The following CBLC variants were observed in gnomAD, a reference collection of about 807,000 sequenced individuals.
The protein encoded by CBLC is Cbl proto-oncogene C.
A neutral mutation model predicts 58.6 loss-of-function variants in CBLC; 46 were observed. The ratio of observed to expected loss-of-function variants is 0.79; its 90% confidence interval spans 0.62 to 1.00. CBLC has a LOEUF of 1.00. CBLC is among the 50% of genes least tolerant of loss of function. The pLI, the probability that CBLC is intolerant of heterozygous loss-of-function variation, is 0.00. For missense variants in CBLC, 655 were observed against 625.8 expected (o/e 1.05, Z -0.50); for synonymous variants, 271 against 264.2 (o/e 1.03, Z -0.25).
chr19:44,798,040 G>A (rs553308565), intron 9 of CBLC, among the ~76,000 whole-genome samples: 4 of 152,178 alleles, frequency 2.6e-5, no homozygotes, highest in Admixed American at 1.3e-4. Context: ...CTGTCTGCAC[G>A]CTGCTGTTCT....
At chr19:44,794,452 A>G (rs1050271516) in intron 9 of CBLC, among the ~76,000 whole-genome samples, 171 bp downstream of exon 9, 33 of 133,692 alleles carry the variant, frequency 2.5e-4, no homozygotes, top group African/African-American at 9.4e-4. Context: ...CCCCTCTGGG[A>G]CTTTCTTTTT....
At chr19:44,796,940 A>C (rs748159005) in intron 9 of CBLC, among the ~76,000 whole-genome samples, 2 of 152,100 alleles carry the variant, frequency 1.3e-5, no homozygotes, top group African/African-American at 4.8e-5. Flanking sequence ...GAAACCAGCC[A>C]GGGAAGCTAA....
At chr19:44,780,129 T>G (rs940211942) in intron 1 of CBLC, among the ~76,000 whole-genome samples, 1 of 151,852 alleles carries the variant, frequency 6.6e-6, no homozygotes, top group Non-Finnish European at 1.5e-5. Flanking sequence ...TTCTGCAAAA[T>G]TCAGCGTAAT....
intron 5 of CBLC, among the ~76,000 whole-genome samples, chr19:44,786,253 A>G (rs1435561364): frequency 4.0e-5 from 6 of 151,878 alleles, no homozygotes; most frequent in Admixed American, 6.6e-5. Flanking sequence ...ATTTTTGTCA[A>G]CCAGTCACAA....
chr19:44,798,641 G>A (rs930077183), intron 9 of CBLC, among the ~76,000 whole-genome samples: 4 of 152,054 alleles, frequency 2.6e-5, no homozygotes, highest in South Asian at 2.1e-4. Flanking sequence ...CTTGATTCTC[G>A]CTTGATTATC....
chr19:44,792,302 G>A (rs1968072430), intron 6 of CBLC, 81 bp from the exon 7 acceptor site: 2 of 1,539,426 alleles, frequency 1.3e-6, no homozygotes, highest in Admixed American at 3.4e-5. Flanking sequence ...CGAGGTTTGG[G>A]ATTTTCTTCC....
At chr19:44,787,588 G>A (rs1183574951) in intron 5 of CBLC, among the ~76,000 whole-genome samples, 3 of 150,746 alleles carry the variant, frequency 2.0e-5, no homozygotes, top group African/African-American at 4.9e-5. Context: ...AGGCCGAGGC[G>A]GGCAGATCAC....
At chr19:44,784,646 T>C (rs937241938) in intron 5 of CBLC, among the ~76,000 whole-genome samples, 1 of 152,182 alleles carries the variant, frequency 6.6e-6, no homozygotes, top group Non-Finnish European at 1.5e-5. Context: ...GAGAAGTGTG[T>C]GGGGCATTGG....
chr19:44,789,890 A>G (rs1968000862), intron 5 of CBLC, 114 bp from the exon 6 acceptor site: 2 of 745,476 alleles, frequency 2.7e-6, no homozygotes, highest in East Asian at 2.5e-5. Context: ...TGGATTTGGG[A>G]CAGATCCTCA....
At chr19:44,790,164 C>A in intron 6 of CBLC, 73 bp downstream of exon 6, 2 of 1,164,112 alleles carry the variant, frequency 1.7e-6, no homozygotes, top group Non-Finnish European at 2.6e-6. Flanking sequence ...GGCTCAGAGG[C>A]CTGGGGTTGG....
At chr19:44,785,520 A>C (rs903357564) in intron 5 of CBLC, among the ~76,000 whole-genome samples, 7 of 139,982 alleles carry the variant, frequency 5.0e-5, no homozygotes, top group East Asian at 4.1e-4. Context: ...AGCTAGCTAG[A>C]TAGTCAGATA....
rs1175070815 is a variant in CBLC at position 44,781,056 on chromosome 19, G to A, written c.500+5G>A. The A allele has an allele frequency of 6.2e-7, 1 of 1,610,344 alleles. No homozygotes were observed. Among genetic ancestry groups the A allele is most frequent in the Non-Finnish European group, 8.5e-7 (1 of 1,178,848 alleles). On this transcript the variant is annotated splice_donor_5th_base_variant and intron_variant, in intron 2 of 10. Coordinates refer to ENST00000647358, the MANE Select transcript of CBLC (RefSeq NM_012116.4). ...GAGGGAAAGTTGCGGAGCCCGGTGA[G>A]TAAGCCCTTGTCCTCAGCTCCCGGA... is the stretch of plus-strand genomic sequence containing the variant.
At chr19:44,784,491 T>G in intron 5 of CBLC, 90 bp downstream of exon 5, 1 of 1,328,218 alleles carries the variant, frequency 7.5e-7, no homozygotes, top group East Asian at 2.4e-5. Context: ...CCACCACGTT[T>G]GAGGGTGCAA....
chr19:44,779,553 C>CTTTTTTTTTTTTT (rs774514447), intron 1 of CBLC, among the ~76,000 whole-genome samples: 2 of 137,320 alleles, frequency 1.5e-5, no homozygotes, highest in African/African-American at 5.7e-5. Flanking sequence ...TGTAGTGTCT[C>CTTTTTTTTTTTTT]TTTTTTTTTT....
At chr19:44,788,373 G>T (rs1009894228) in intron 5 of CBLC, among the ~76,000 whole-genome samples, 9 of 151,056 alleles carry the variant, frequency 6.0e-5, no homozygotes, top group Non-Finnish European at 7.4e-5. Flanking sequence ...CAATCCTCCC[G>T]CCTCAGCCTC....
chr19:44,785,018 CTG>C (rs1173328269), intron 5 of CBLC, among the ~76,000 whole-genome samples: 1 of 117,188 alleles, frequency 8.5e-6, no homozygotes, highest in Non-Finnish European at 1.6e-5. Flanking sequence ...GTCGCCCTGA[CTG>C]GAGTGCAATG....
Position 44,800,568 on chromosome 19 carries a change from C to T in CBLC, c.*25C>T. On this transcript the variant is annotated 3_prime_UTR_variant, in exon 11 of 11. Transcript: ENST00000647358. The stretch of plus-strand genomic sequence containing the variant: ...GCCTACAGGGCACCCAGATGTGCTG[C>T]TCAAGGGAGCCCCAAGGGCTGGAAG... 3 of 625,724 alleles carry T rather than the reference C, an allele frequency of 4.8e-6. No homozygotes were observed. Among genetic ancestry groups the T allele is most frequent in the Non-Finnish European group, 8.5e-6 (3 of 354,370 alleles). The allele number at this position is 625,724 out of a possible 1,614,324, so 38.8% of individuals were successfully genotyped here.
chr19:44,782,538 T>A lies in CBLC; in HGVS notation c.779+47T>A, dbSNP rs1335134758. The A allele has an allele frequency of 2.0e-6, 3 of 1,496,272 alleles. No homozygotes were observed. The Admixed American group carries it at 5.1e-5, about 26-fold the overall frequency. The allele number at this position is 1,496,272 out of a possible 1,614,324, so 92.7% of individuals were successfully genotyped here. ...AGAACAAGGCTGCAGGGCTCAGGGA[T>A]CTGGGCTCTGGGCTGGTGCGTGGTG... On this transcript the variant is annotated intron_variant, in intron 4 of 10. Coordinates refer to ENST00000647358, the MANE Select transcript of CBLC (RefSeq NM_012116.4).
At chr19:44,782,553 G>A (rs1825529672) in intron 4 of CBLC, 62 bp downstream of exon 4, 1 of 1,369,088 alleles carries the variant, frequency 7.3e-7, no homozygotes. Flanking sequence ...GCTCTGGGCT[G>A]GTGCGTGGTG....
Sources: allele counts gnomAD v4.1 joint callset (sites outside exome capture counted in the v4.1 genomes callset), GRCh38; gene constraint gnomAD v4.1.1; transcripts MANE v1.5; gene names NCBI Gene and HGNC (gene_info 2026-07-23, HGNC 2026-07-21).